Variants in KCNQ1 observed in about 807,000 individuals in gnomAD.
The protein encoded by KCNQ1 is potassium voltage-gated channel subfamily KQT member 1.
A neutral mutation model predicts 72.4 loss-of-function variants in KCNQ1; 49 were observed. The observed-to-expected ratio is 0.68, with a 90% CI of 0.54 to 0.86. The LOEUF (loss-of-function observed/expected upper bound fraction) is 0.86. Ranked by LOEUF, KCNQ1 falls within the 40% of genes least tolerant of loss-of-function variation. KCNQ1 has a pLI of 0.00. For synonymous variants in KCNQ1, 450 were observed against 412.6 expected (o/e 1.09, Z -1.10); for missense variants, 790 against 945.1 (o/e 0.84, Z 2.15).
chr11:2,569,615 C>A (rs537915991), intron 2 of KCNQ1, among the ~76,000 whole-genome samples: 114 of 152,330 alleles, frequency 7.5e-4, no homozygotes, highest in African/African-American at 2.5e-3. Context: ...GCCTCTCACA[C>A]GTGGGGGCTG....
In KCNQ1 at chr11:2,783,597, G is replaced by A. The variant is rs994919863; in HGVS notation, c.1794+5560G>A. ...AGAAACTTCTAAACTGTTTCCAAAG[G>A]ATTTATACCATTTTGCTTTCTCACC... On this transcript the variant is annotated intron_variant, in intron 15 of 15. Transcript: ENST00000155840. This position sits in a 1 kb window ranked among gnomAD's most constrained non-coding sequence, Gnocchi z 5.2. Among the ~76,000 whole-genome samples the A allele has an allele frequency of 3.9e-5, 6 of 151,968 alleles. No individual in the cohort carries two copies. Among genetic ancestry groups the A allele is most frequent in the Non-Finnish European group, 4.4e-5 (3 of 67,906 alleles).
In KCNQ1 at chr11:2,756,938, A is replaced by C. The variant is rs527799392; in HGVS notation, c.1515-11906A>C. Among the ~76,000 whole-genome samples, 228 of 134,480 alleles carry C rather than the reference A, an allele frequency of 1.7e-3. 1 individual carries two copies. Among genetic ancestry groups the C allele is most frequent in the Non-Finnish European group, 3.0e-3 (190 of 64,262 alleles). 88.2% of individuals were successfully genotyped at this position (134,480 alleles called of 152,430 possible). A position where few individuals can be genotyped will look rare whatever the true frequency, so the allele number is the denominator to read the frequency against. Reference sequence around the variant, plus strand: ...TCTATTATGGAACTTTCCCAACTTGATCAAGAGCATCTTAAAAAAAAAAAA... The same window carrying C: ...TCTATTATGGAACTTTCCCAACTTGCTCAAGAGCATCTTAAAAAAAAAAAA... On this transcript the variant is annotated intron_variant, in intron 11 of 15. Transcript: ENST00000155840.
At position 2,455,388 on chromosome 11, in the gene KCNQ1, T is replaced by C. The variant is rs180852115; in HGVS notation, c.386+9904T>C. The stretch of plus-strand genomic sequence containing the variant: ...GCTGGGATTCAGGCTTGAGCCACCG[T>C]GCCTGGCCAATCAGCAGCATTCTTA... On this transcript the variant is annotated intron_variant, in intron 1 of 15. Coordinates refer to ENST00000155840, the MANE Select transcript of KCNQ1 (RefSeq NM_000218.3). 1.5e-3 allele frequency among the ~76,000 whole-genome samples: 232 copies of C among 152,316 alleles called. 3 individuals carry two copies. In the East Asian group the frequency reaches 0.039, roughly 25 times the overall value.
At chr11:2,607,615 G>C (rs867223081) in intron 10 of KCNQ1, among the ~76,000 whole-genome samples, 10 of 152,232 alleles carry the variant, frequency 6.6e-5, no homozygotes, top group Middle Eastern at 3.4e-3. Context: ...CTTGACCTTG[G>C]ACTTCCAAGC....
chr11:2,564,204 T>A lies in KCNQ1; in HGVS notation c.478-6424T>A, dbSNP rs1848214606. On this transcript the variant is annotated intron_variant, in intron 2 of 15. Coordinates refer to ENST00000155840, the MANE Select transcript of KCNQ1 (RefSeq NM_000218.3). This position sits in a 1 kb window ranked among gnomAD's most constrained non-coding sequence, Gnocchi z 4.5. ...CACAAGGCGGTTCAGCCAACACCTGTCTCCGGTTCCAGAGCTTTTTCATCA... is the reference window on the plus strand; with the variant it reads ...CACAAGGCGGTTCAGCCAACACCTGACTCCGGTTCCAGAGCTTTTTCATCA... Among the ~76,000 whole-genome samples the A allele has an allele frequency of 6.6e-6, 1 of 152,240 alleles. No homozygotes were observed. The highest frequency in any genetic ancestry group is 1.5e-5 in the Non-Finnish European group (1 of 68,044).
rs192428260 is a variant in KCNQ1 at position 2,628,586 on chromosome 11, T to C, written c.1394-33375T>C. Reference sequence around the variant, plus strand: ...GTTGGAAATATTTTCTCCCGCTACATGTGCTGCCTTTTCATTTTGTTGTTT... The same window carrying C: ...GTTGGAAATATTTTCTCCCGCTACACGTGCTGCCTTTTCATTTTGTTGTTT... On this transcript the variant is annotated intron_variant, in intron 10 of 15. Transcript: ENST00000155840. The C allele has an allele frequency of 8.1e-4, 322 of 398,482 alleles. 2 individuals are homozygous for C. The East Asian group carries it at 0.011, about 13-fold the overall frequency. The allele number at this position is 398,482 out of a possible 1,614,324, so 24.7% of individuals were successfully genotyped here. A position where few individuals can be genotyped will look rare whatever the true frequency, so the allele number is the denominator to read the frequency against.
chr11:2,578,715 G>C (rs746781748), intron 6 of KCNQ1, among the ~76,000 whole-genome samples: 2 of 152,254 alleles, frequency 1.3e-5, no homozygotes, highest in Admixed American at 1.3e-4. Flanking sequence ...GAGCTTGGGT[G>C]CTGCGCTCTC....
intron 12 of KCNQ1, among the ~76,000 whole-genome samples, chr11:2,773,489 C>T (rs896342928): frequency 2.0e-5 from 3 of 151,860 alleles, no homozygotes; most frequent in Non-Finnish European, 4.4e-5. Context: ...GATCAGGGCT[C>T]AGCATCCCAT....
At chr11:2,585,345 G>A in intron 8 of KCNQ1, 38 bp downstream of exon 8, 1 of 1,574,094 alleles carries the variant, frequency 6.4e-7, no homozygotes, top group Non-Finnish European at 8.7e-7. Context: ...TGTCATTTTG[G>A]TCACTGTTAT....
At chr11:2,685,785 T>C (rs962497285) in intron 11 of KCNQ1, 2 of 398,722 alleles carry the variant, frequency 5.0e-6, no homozygotes, top group Middle Eastern at 6.3e-4. Flanking sequence ...GAAAGGGCCC[T>C]GCACAGTCAG....
At position 2,704,976 on chromosome 11, in the gene KCNQ1, G is replaced by A. The variant is rs577823057; in HGVS notation, c.1514+42895G>A. Among the ~76,000 whole-genome samples, 1 of 152,236 alleles carries A rather than the reference G, an allele frequency of 6.6e-6. No homozygotes were observed. The highest frequency in any genetic ancestry group is 6.5e-5 in the Admixed American group (1 of 15,298). ...GGCTCTGGGGCACTGTCACCCTGTG[G>A]CATGGCCTGTTTGTGGTGTCCATTG... On this transcript the variant is annotated intron_variant, in intron 11 of 15. Transcript: ENST00000155840. The surrounding 1 kb of genome is among the most constrained non-coding windows in gnomAD (Gnocchi z 4.3).
chr11:2,452,191 G>T (rs1846127245), intron 1 of KCNQ1, among the ~76,000 whole-genome samples: 1 of 152,162 alleles, frequency 6.6e-6, no homozygotes, highest in Non-Finnish European at 1.5e-5. Flanking sequence ...CATACTCTGG[G>T]GCGCACTGAA....
rs548935555 is a variant in KCNQ1, at chr11:2,477,147, C to T, written c.386+31663C>T. On this transcript the variant is annotated intron_variant, in intron 1 of 15. Coordinates refer to ENST00000155840, the MANE Select transcript of KCNQ1 (RefSeq NM_000218.3). This position sits in a 1 kb window ranked among gnomAD's most constrained non-coding sequence, Gnocchi z 5.0. ...AGATGAATCTGAACCCTCATCAGAA[C>T]GTCCACAGCTGACGGTGAACACATT... Among the ~76,000 whole-genome samples, 4 of 152,334 alleles carry T rather than the reference C, an allele frequency of 2.6e-5. No individual in the cohort carries two copies. Among genetic ancestry groups the T allele is most frequent in the South Asian group, 4.1e-4 (2 of 4,828 alleles).
rs141499916 is a variant in KCNQ1, at chr11:2,799,993, A to G, written c.1794+21956A>G. On this transcript the variant is annotated intron_variant, in intron 15 of 15. Transcript: ENST00000155840. ...TCCGGAGAGGCCTGGGTAGCTGCCT[A>G]AGGGTGGGGTAGAAGCATGGTGCCG... 1.2e-4 allele frequency among the ~76,000 whole-genome samples: 18 copies of G among 152,280 alleles called. No homozygotes were observed. In the East Asian group the frequency reaches 2.1e-3, roughly 18 times the overall value.
Position 2,611,960 on chromosome 11 carries a change from C to T in KCNQ1, c.1393+23106C>T. 5.0e-6 allele frequency: 2 copies of T among 398,598 alleles called. No homozygotes were observed. Among genetic ancestry groups the T allele is most frequent in the Non-Finnish European group, 8.8e-6 (2 of 226,064 alleles). 24.7% of individuals were successfully genotyped at this position (398,598 alleles called of 1,614,324 possible). A position where few individuals can be genotyped will look rare whatever the true frequency, so the allele number is the denominator to read the frequency against. ...TAATAATCTACTCAAATATTTTTGT[C>T]TGCCCTATTCTCTCCTTCTCAGTAC... On this transcript the variant is annotated intron_variant, in intron 10 of 15. Transcript: ENST00000155840. This position sits in a 1 kb window ranked among gnomAD's most constrained non-coding sequence, Gnocchi z 5.3.
In KCNQ1 at chr11:2,594,000, T is replaced by TTA. The variant is rs1848704095; in HGVS notation, c.1393+5147_1393+5148insAT. On this transcript the variant is annotated intron_variant, in intron 10 of 15. Transcript: ENST00000155840. This position sits in a 1 kb window ranked among gnomAD's most constrained non-coding sequence, Gnocchi z 6.9. ...GGCCTTTGTTGCCCAGTATTTTGGT[T>TTA]TTGTCTTTTAAACAATCCTCTTTTT... 6.6e-6 allele frequency among the ~76,000 whole-genome samples: 1 copy of TTA among 152,218 alleles called. No homozygotes were observed. The highest frequency in any genetic ancestry group is 1.5e-5 in the Non-Finnish European group (1 of 68,042).
At chr11:2,461,833 A>C in intron 1 of KCNQ1, 1 of 713,228 alleles carries the variant, frequency 1.4e-6, no homozygotes, top group Non-Finnish European at 2.1e-6. Flanking sequence ...TAGATGAAGT[A>C]CTGGGTGGGT....
intron 15 of KCNQ1, among the ~76,000 whole-genome samples, chr11:2,793,262 G>A (rs916185891): frequency 2.6e-5 from 4 of 152,180 alleles, no homozygotes; most frequent in South Asian, 2.1e-4. Flanking sequence ...ATCCAATAAC[G>A]GGTGGAAATT....
At chr11:2,520,781 C>T (rs1019676821) in intron 1 of KCNQ1, among the ~76,000 whole-genome samples, 1 of 152,112 alleles carries the variant, frequency 6.6e-6, no homozygotes, top group Non-Finnish European at 1.5e-5. Flanking sequence ...CATTTGGAGT[C>T]TCCCAGGATG....
Sources: gnomAD v4.1 joint callset for allele counts (sites outside exome capture counted in the v4.1 genomes callset) on GRCh38, gnomAD v4.1.1 for gene constraint, Gnocchi (gnomAD v3.1) non-coding constraint, MANE v1.5 for transcripts, NCBI Gene and HGNC (gene_info 2026-07-23, HGNC 2026-07-21) for gene names.